The following PDXDC1 variants were observed in gnomAD, a reference collection of about 807,000 sequenced individuals.
PDXDC1 encodes the protein pyridoxal-dependent decarboxylase domain-containing protein 1.
PDXDC1 carries 42 observed loss-of-function variants against 100.1 expected under a neutral mutation model. The ratio of observed to expected loss-of-function variants is 0.42; its 90% CI spans 0.33 to 0.54. PDXDC1 has a LOEUF of 0.54. Among genes scored for constraint, PDXDC1 ranks in the 20% least tolerant of loss-of-function variants. The pLI is 0.10. For synonymous variants in PDXDC1, 260 were observed against 371.7 expected, an observed-to-expected ratio of 0.70 and a Z score of 3.46; for missense variants, 636 against 979.2, an observed-to-expected ratio of 0.65 and a Z score of 4.68.
intron 16 of PDXDC1, among the ~76,000 whole-genome samples, chr16:15,075,437 G>A (rs932444339): frequency 8.6e-5 from 13 of 151,754 alleles, no homozygotes; most frequent in African/African-American, 3.1e-4. Context: ...GCTGGGTGCG[G>A]TGGTACACTG....
rs752455437 is a variant in PDXDC1 at position 15,031,772 on chromosome 16, A to G, written c.1437A>G (p.Val479=). 5.0e-6 allele frequency: 8 copies of G among 1,613,846 alleles called. 1 individual carries two copies. In the South Asian group the frequency reaches 6.6e-5, roughly 13 times the overall value. ...GGGGAGAGGATGTGGATCAGCTCGT[A>G]GCCTGCATAGAAAGCAAACTGCCAG... ...GTRGEDVDQL[V]ACIESKLPVL... The change falls in exon 17 of 23, where the codon GTA becomes GTG. Residue 479 remains valine (V), a synonymous_variant. Coordinates refer to ENST00000396410, the MANE Select transcript of PDXDC1 (RefSeq NM_015027.4).
In PDXDC1 at chr16:15,028,964, T is replaced by C; in HGVS notation, c.1291T>C (p.Trp431Arg). The C allele has an allele frequency of 6.2e-7, 1 of 1,612,268 alleles. No individual in the cohort carries two copies. The highest frequency in any genetic ancestry group is 2.2e-5 in the East Asian group (1 of 44,874). ...GCACTCGTGTGACGCGCTGAATCGC[T>C]GGGTGAGAATGGCAGTCACCCCCCT... Reference protein sequence around the residue: ...ERHSCDALNRWLGEQLKQLVP... With the variant: ...ERHSCDALNRRLGEQLKQLVP... The change falls in exon 15 of 23, where the codon TGG (tryptophan) becomes CGG (arginine). Residue 431 changes from tryptophan (W) to arginine (R), a missense_variant and splice_region_variant. By Grantham distance (101) the Trp-to-Arg change is moderately radical. This residue lies in a region of PDXDC1 where 44 missense variants were observed against 46.9 expected (regional missense o/e 0.94). Transcript: ENST00000396410.
At chr16:15,112,274 A>G (rs964561539) in intron 16 of PDXDC1, among the ~76,000 whole-genome samples, 7 of 148,420 alleles carry the variant, frequency 4.7e-5, no homozygotes, top group African/African-American at 1.7e-4. Flanking sequence ...GCTGAAGTGC[A>G]GTGGCGCTAC....
intron 8 of PDXDC1, among the ~76,000 whole-genome samples, chr16:15,011,631 C>CTTTTTTTTTTTTTTTTTTTTTCTTTTT: frequency 7.6e-6 from 1 of 131,274 alleles, no homozygotes; most frequent in African/African-American, 2.8e-5. Flanking sequence ...ACATTTTTTT[C>CTTTTTTTTTTTTTTTTTTTTTCTTTTT]TTTTTTTTTT....
chr16:15,033,449 A>G (rs1181031083), intron 19 of PDXDC1, 50 bp downstream of exon 19: 3 of 1,596,808 alleles, frequency 1.9e-6, no homozygotes, highest in East Asian at 2.2e-5. Context: ...TTGTCCCACC[A>G]AACAGCAGGG....
chr16:15,147,273 C>A, the PDXDC1 span, among the ~76,000 whole-genome samples: 1 of 152,212 alleles, frequency 6.6e-6, no homozygotes, highest in Non-Finnish European at 1.5e-5. Context: ...AGCGCCACTG[C>A]CACCTCTGTC....
chr16:15,069,597 G>T (rs980902292), intron 16 of PDXDC1, among the ~76,000 whole-genome samples: 3 of 152,174 alleles, frequency 2.0e-5, no homozygotes, highest in Non-Finnish European at 4.4e-5. Context: ...TTTAGGGTCA[G>T]CCAAACCTGG....
chr16:15,128,131 G>A (rs2047848174), intron 16 of PDXDC1: 5 of 1,608,724 alleles, frequency 3.1e-6, no homozygotes, highest in Non-Finnish European at 4.2e-6. Context: ...AGGCAGGGCT[G>A]AGCCCTGCAG....
At chr16:15,072,952 A>G (rs72774849) in intron 16 of PDXDC1, 24,275 of 1,613,190 alleles carry the variant, frequency 0.015, 225 homozygotes, top group Middle Eastern at 0.024. Context: ...TTACTCACCA[A>G]TTTGAAACTA....
chr16:15,094,388 C>A lies in PDXDC1; in HGVS notation c.1400-44491C>A, dbSNP rs183303671. ...GTATGCTCTCGGCGGGCTAGAGCGC[C>A]GCTGAAACCCGCTCCTCGTTCTACT... On this transcript the variant is annotated intron_variant, in intron 16 of 16. Coordinates refer to the PDXDC1 transcript ENST00000535621. 4.5e-4 allele frequency: 295 copies of A among 662,844 alleles called. 1 individual carries two copies. The African/African-American group carries it at 4.9e-3, about 11-fold the overall frequency. The allele number at this position is 662,844 out of a possible 1,614,324, so 41.1% of individuals were successfully genotyped here.
rs1376721875 is a variant in PDXDC1 at position 15,038,172 on chromosome 16, A to C, written c.*1897A>C. Reference sequence around the variant, plus strand: ...TCAAGGTAGATCTAATATGTTCAACAAAGTGGGGTGGCTCAGCCAGAGGCG... The same window carrying C: ...TCAAGGTAGATCTAATATGTTCAACCAAGTGGGGTGGCTCAGCCAGAGGCG... On this transcript the variant is annotated 3_prime_UTR_variant, in exon 23 of 23. Transcript: ENST00000396410. 7 of 1,613,522 alleles carry C rather than the reference A, an allele frequency of 4.3e-6. No individual in the cohort carries two copies. The highest frequency in any genetic ancestry group is 5.9e-6 in the Non-Finnish European group (7 of 1,179,864).
chr16:15,051,089 A>C (rs1202871805), intron 16 of PDXDC1, among the ~76,000 whole-genome samples: 4 of 152,158 alleles, frequency 2.6e-5, no homozygotes, highest in Admixed American at 6.5e-5. Context: ...CCTCTTGATT[A>C]CTCCTGAGAT....
At chr16:15,040,830 T>C (rs549302539), downstream of PDXDC1, among the ~76,000 whole-genome samples, 1 of 152,280 alleles carries the variant, frequency 6.6e-6, no homozygotes, top group African/African-American at 2.4e-5. Flanking sequence ...GTCCTTTCTA[T>C]TTGCTACCAC....
At chr16:15,039,917 A>T, downstream of PDXDC1, 1 of 1,049,150 alleles carries the variant, frequency 9.5e-7, no homozygotes, top group Non-Finnish European at 1.4e-6. Context: ...AGGCCTTGAC[A>T]TTTGATGCCT....
At chr16:15,136,304 G>A (rs941462618) in intron 16 of PDXDC1, among the ~76,000 whole-genome samples, 2 of 152,162 alleles carry the variant, frequency 1.3e-5, no homozygotes, top group Non-Finnish European at 1.5e-5. Context: ...CCCACCCACG[G>A]GGCCTGTGGG....
chr16:15,042,582 T>C (rs1396339044), downstream of PDXDC1, among the ~76,000 whole-genome samples: 3 of 152,210 alleles, frequency 2.0e-5, no homozygotes, highest in Non-Finnish European at 2.9e-5. Flanking sequence ...TACATAATTA[T>C]TATTCTGATG....
intron 16 of PDXDC1, chr16:15,056,094 C>T (rs910888623): frequency 2.0e-4 from 49 of 249,320 alleles, no homozygotes; most frequent in Non-Finnish European, 1.5e-4. Flanking sequence ...CGCCCCACCG[C>T]GGGCGCTGCC....
At chr16:15,092,504 C>G in intron 16 of PDXDC1, 1 of 1,596,910 alleles carries the variant, frequency 6.3e-7, no homozygotes, top group Non-Finnish European at 8.6e-7. Flanking sequence ...ATTATCTCCC[C>G]TTACCTTTTT....
chr16:15,101,995 C>T (rs1227595387), intron 16 of PDXDC1, among the ~76,000 whole-genome samples: 4 of 152,106 alleles, frequency 2.6e-5, no homozygotes, highest in Admixed American at 6.5e-5. Flanking sequence ...ATTACAGGTG[C>T]GTGCCACCAT....
Sources: gnomAD v4.1 joint callset for allele counts (sites outside exome capture counted in the v4.1 genomes callset) on GRCh38, gnomAD v4.1.1 for gene constraint, gnomAD v4.1.1 regional missense constraint, MANE v1.5 for transcripts, NCBI Gene and HGNC (gene_info 2026-07-23, HGNC 2026-07-21) for gene names.